RAPGEFL1: variants seen among roughly 807,000 people sequenced by gnomAD.
RAPGEFL1 encodes the protein Rap guanine nucleotide exchange factor like 1, also known as rap guanine nucleotide exchange factor-like 1.
RAPGEFL1 carries 31 observed loss-of-function variants against 64.4 expected under a neutral mutation model. The observed-to-expected ratio is 0.48, with a 90% CI of 0.36 to 0.65. The LOEUF (loss-of-function observed/expected upper bound fraction) is 0.65. Among genes scored for constraint, RAPGEFL1 ranks in the 30% least tolerant of loss-of-function variants. The pLI is 0.00. For synonymous variants in RAPGEFL1, 331 were observed against 274.1 expected (o/e 1.21, Z -2.05); for missense variants, 682 against 677.4 (o/e 1.01, Z -0.08).
Position 40,193,513 on chromosome 17 carries a change from C to T in RAPGEFL1, c.1864+96C>T, listed in dbSNP as rs955613599. ...CCCTGTCCAGATGTGTATTTCCATA[C>T]ACTTGCTGGTTCCCCATTCTCTCCT... On this transcript the variant is annotated intron_variant, in intron 14 of 14. Coordinates refer to ENST00000620260, the MANE Select transcript of RAPGEFL1 (RefSeq NM_016339.6). The T allele has an allele frequency of 5.8e-5, 92 of 1,573,504 alleles. No individual in the cohort carries two copies. In the Admixed American group the frequency reaches 1.5e-3, roughly 26 times the overall value.
chr17:40,192,526 G>T (rs1990311361), intron 11 of RAPGEFL1, 80 bp from the exon 12 acceptor site: 1 of 1,244,832 alleles, frequency 8.0e-7, no homozygotes, highest in East Asian at 2.3e-5. Context: ...TACAAGGCAG[G>T]GGGTGAGGGA....
intron 4 of RAPGEFL1, among the ~76,000 whole-genome samples, chr17:40,186,574 C>CAA (rs146110920): frequency 0.031 from 816 of 26,270 alleles, 80 homozygotes; most frequent in East Asian, 0.067. Flanking sequence ...GACTCCGTCT[C>CAA]AAAAAAAAAA....
At chr17:40,190,931 G>C (rs1990241711) in intron 8 of RAPGEFL1, 169 bp downstream of exon 8, 1 of 1,015,766 alleles carries the variant, frequency 9.8e-7, no homozygotes, top group Non-Finnish European at 1.4e-6. Context: ...CGCAAAGAGA[G>C]AGACCCCAGA....
intron 5 of RAPGEFL1, 107 bp downstream of exon 5, chr17:40,189,085 C>A: frequency 6.8e-7 from 1 of 1,460,412 alleles, no homozygotes; most frequent in Non-Finnish European, 9.5e-7. Flanking sequence ...TAGAACCAGC[C>A]CCTTTCACAG....
chr17:40,179,592 T>G (rs990580261), intron 1 of RAPGEFL1, among the ~76,000 whole-genome samples: 2 of 151,942 alleles, frequency 1.3e-5, no homozygotes, highest in Non-Finnish European at 2.9e-5. Context: ...ATTTCACCAC[T>G]CCCTTTCAGC....
At chr17:40,189,040 G>A in intron 5 of RAPGEFL1, 62 bp downstream of exon 5, 2 of 1,522,032 alleles carry the variant, frequency 1.3e-6, no homozygotes, top group Non-Finnish European at 1.8e-6. Flanking sequence ...ATATCTCTGG[G>A]TCTTGAGCAC....
chr17:40,192,991 G>A lies in RAPGEFL1; in HGVS notation c.1809+1G>A. On this transcript the variant is annotated splice_donor_variant, in intron 13 of 14. Transcript: ENST00000620260. LOFTEE classifies it high-confidence loss of function. Reference sequence around the variant, plus strand: ...TGGTTTGGTGAACATCGAGAAGCTGGTGAGTGAGTGGCACTGCAAACCCCT... The same window carrying A: ...TGGTTTGGTGAACATCGAGAAGCTGATGAGTGAGTGGCACTGCAAACCCCT... The A allele has an allele frequency of 6.2e-7, 1 of 1,613,412 alleles. No homozygotes were observed. Among genetic ancestry groups the A allele is most frequent in the Non-Finnish European group, 8.5e-7 (1 of 1,179,334 alleles).
chr17:40,187,049 C>T (rs1598442372), intron 4 of RAPGEFL1, among the ~76,000 whole-genome samples: 1 of 151,984 alleles, frequency 6.6e-6, no homozygotes, highest in East Asian at 1.9e-4. Context: ...CTCCAGCAAT[C>T]CTCCCACCTT....
At chr17:40,189,164 C>A in intron 5 of RAPGEFL1, 44 bp from the exon 6 acceptor site, 1 of 1,594,744 alleles carries the variant, frequency 6.3e-7, no homozygotes, top group Non-Finnish European at 8.6e-7. Flanking sequence ...CCAGCTGCTG[C>A]CACTCTGCCC....
chr17:40,191,576 C>G lies in RAPGEFL1; in HGVS notation c.1515-6C>G. 6.2e-7 allele frequency: 1 copy of G among 1,604,084 alleles called. No homozygotes were observed. The highest frequency in any genetic ancestry group is 1.1e-5 in the South Asian group (1 of 89,316). On this transcript the variant is annotated splice_region_variant and splice_polypyrimidine_tract_variant and intron_variant, in intron 9 of 14. Transcript: ENST00000620260. This position sits in a 1 kb window ranked among gnomAD's most constrained non-coding sequence, Gnocchi z 5.1. The stretch of plus-strand genomic sequence containing the variant: ...CCGCCCCTGACCCCGCCTCCCACCC[C>G]CGCAGCTGCAAGCAGAACCAGGACC...
At chr17:40,189,399 T>C in intron 6 of RAPGEFL1, 24 bp downstream of exon 6, 1 of 1,612,432 alleles carries the variant, frequency 6.2e-7, no homozygotes, top group African/African-American at 1.3e-5. Context: ...AGAACTGGGC[T>C]GATGCTCCGA....
intron 4 of RAPGEFL1, among the ~76,000 whole-genome samples, chr17:40,185,276 C>T (rs1393020260): frequency 6.6e-6 from 1 of 152,146 alleles, no homozygotes; most frequent in African/African-American, 2.4e-5. Flanking sequence ...AACTCTGTCA[C>T]CATGGCTGAT....
Position 40,193,928 on chromosome 17 carries a change from C to T in RAPGEFL1, c.*140C>T. On this transcript the variant is annotated 3_prime_UTR_variant, in exon 15 of 15. Coordinates refer to ENST00000620260, the MANE Select transcript of RAPGEFL1 (RefSeq NM_016339.6). ...CGGGAAAGAGGTCGATGGATTTACC[C>T]CTGGACCCATAAGTCTGTTCATCCT... 1 of 1,179,750 alleles carries T rather than the reference C, an allele frequency of 8.5e-7. No homozygotes were observed. The highest frequency in any genetic ancestry group is 1.2e-6 in the Non-Finnish European group (1 of 851,946). The allele number at this position is 1,179,750 out of a possible 1,614,324, so 73.1% of individuals were successfully genotyped here.
intron 1 of RAPGEFL1, among the ~76,000 whole-genome samples, chr17:40,179,026 C>A (rs1454607475): frequency 6.6e-6 from 1 of 150,540 alleles, no homozygotes; most frequent in Non-Finnish European, 1.5e-5. Context: ...GTCCAAGCGC[C>A]TCCAGCTTCC....
At chr17:40,193,493 T>C (rs989775533) in intron 14 of RAPGEFL1, 76 bp downstream of exon 14, 10 of 1,584,360 alleles carry the variant, frequency 6.3e-6, no homozygotes, top group Non-Finnish European at 6.1e-6. Flanking sequence ...GAACTCCCTG[T>C]CCAGATGTGT....
chr17:40,190,060 T>C lies in RAPGEFL1; in HGVS notation c.1115-374T>C, dbSNP rs190308891. On this transcript the variant is annotated intron_variant, in intron 6 of 14. Coordinates refer to ENST00000620260, the MANE Select transcript of RAPGEFL1 (RefSeq NM_016339.6). Reference sequence around the variant, plus strand: ...TTGTATTCTGATCCTTTAACCTCCCTGTGTATGTAAGGATGCCACATTTCA... The same window carrying C: ...TTGTATTCTGATCCTTTAACCTCCCCGTGTATGTAAGGATGCCACATTTCA... Among the ~76,000 whole-genome samples the C allele has an allele frequency of 3.0e-3, 457 of 152,248 alleles. 3 individuals carry two copies. The highest frequency in any genetic ancestry group is 0.01 in the African/African-American group (435 of 41,556).
chr17:40,182,979 C>T (rs1034284000), intron 2 of RAPGEFL1, among the ~76,000 whole-genome samples: 9 of 152,036 alleles, frequency 5.9e-5, no homozygotes, highest in African/African-American at 1.9e-4. Flanking sequence ...GAAACTCCGT[C>T]TCTACTAAAA....
In RAPGEFL1 at chr17:40,191,441, G is replaced by T. The variant is rs1315554265; in HGVS notation, c.1461G>T (p.Glu487Asp). The change falls in exon 9 of 15, where the codon GAG becomes GAT. Residue 487 changes from glutamate to aspartate, a missense_variant. By Grantham distance (45) the Glu-to-Asp change is conservative. Transcript: ENST00000620260. This position sits in a 1 kb window ranked among gnomAD's most constrained non-coding sequence, Gnocchi z 5.1. ...HWVATEVLLC[E>D]APGKRAQLLK... ...TGGCCACCGAAGTGCTGCTCTGCGA[G>T]GCCCCGGGCAAGCGCGCGCAGCTGC... 1 of 1,607,264 alleles carries T rather than the reference G, an allele frequency of 6.2e-7. No homozygotes were observed. Among genetic ancestry groups the T allele is most frequent in the Non-Finnish European group, 8.5e-7 (1 of 1,178,764 alleles).
upstream of RAPGEFL1, chr17:40,177,385 C>A: frequency 2.0e-6 from 1 of 492,602 alleles, no homozygotes. Context: ...GTTCAAGCCT[C>A]GTGCGGCGCG....
Sources: gnomAD v4.1 joint callset for allele counts (sites outside exome capture counted in the v4.1 genomes callset) on GRCh38, gnomAD v4.1.1 for gene constraint, Gnocchi (gnomAD v3.1) non-coding constraint, MANE v1.5 for transcripts, NCBI Gene and HGNC (gene_info 2026-07-23, HGNC 2026-07-21) for gene names.